The following PPME1 variants were observed in gnomAD, a reference collection of about 807,000 sequenced individuals.
PPME1 encodes the protein protein phosphatase methylesterase 1, also known as testicular secretory protein Li 39.
In PPME1, 17 loss-of-function variants were observed where a neutral mutation model predicts 56.9. The ratio of observed to expected loss-of-function variants is 0.30; its 90% CI spans 0.20 to 0.45. The LOEUF is 0.45. PPME1 is among the 20% of genes least tolerant of loss of function. PPME1 has a pLI of 1.00. For missense variants in PPME1, 357 were observed against 483.2 expected, an observed-to-expected ratio of 0.74 and a Z score of 2.45; for synonymous variants, 122 against 156.2, an observed-to-expected ratio of 0.78 and a Z score of 1.63.
rs1003622095 is a variant in PPME1, at chr11:74,239,285, A to G, written c.834+29A>G. The G allele has an allele frequency of 2.5e-6, 4 of 1,608,072 alleles. No individual in the cohort carries two copies. The African/African-American group carries it at 4.0e-5, about 16-fold the overall frequency. ...GGTAAAAACATTCATTCTTGAAAAG[A>G]TGCGGTATGGAATGGTTCAAACTGT... On this transcript the variant is annotated intron_variant, in intron 9 of 13. Coordinates refer to ENST00000328257, the MANE Select transcript of PPME1 (RefSeq NM_016147.3).
At chr11:74,220,882 T>C (rs1320378547) in intron 3 of PPME1, among the ~76,000 whole-genome samples, 1 of 152,186 alleles carries the variant, frequency 6.6e-6, no homozygotes, top group African/African-American at 2.4e-5. Flanking sequence ...CTCTGACTTT[T>C]TGATTATCTT....
chr11:74,176,349 A>G (rs974412334), intron 1 of PPME1, among the ~76,000 whole-genome samples: 17 of 152,340 alleles, frequency 1.1e-4, no homozygotes, highest in African/African-American at 4.1e-4. Context: ...CTATTCACAC[A>G]GATGGGGAAA....
chr11:74,227,599 A>G (rs1858963547), intron 5 of PPME1, among the ~76,000 whole-genome samples: 2 of 152,192 alleles, frequency 1.3e-5, no homozygotes, highest in African/African-American at 4.8e-5. Flanking sequence ...TTTCTGTGAT[A>G]CACAGTAATG....
chr11:74,232,860 A>ATTTTTT (rs35057762), intron 7 of PPME1, among the ~76,000 whole-genome samples: 31 of 93,854 alleles, frequency 3.3e-4, no homozygotes, highest in African/African-American at 7.8e-4. Flanking sequence ...TTGTTATTTG[A>ATTTTTT]TTTTTTTTTT....
At chr11:74,226,569 G>C (rs1858937171) in intron 5 of PPME1, among the ~76,000 whole-genome samples, 1 of 152,134 alleles carries the variant, frequency 6.6e-6, no homozygotes, top group South Asian at 2.1e-4. Context: ...GAAGATTTGT[G>C]AATGATTTTT....
intron 12 of PPME1, chr11:74,251,344 G>A (rs1859654804): frequency 7.4e-7 from 1 of 1,355,934 alleles, no homozygotes; most frequent in Non-Finnish European, 9.5e-7. Flanking sequence ...CTAAACCACA[G>A]GCACAGTTAG....
rs1002395973 is a variant in PPME1, at chr11:74,213,984, T to C, written c.289-8328T>C. Among the ~76,000 whole-genome samples, 3 of 152,266 alleles carry C rather than the reference T, an allele frequency of 2.0e-5. No individual in the cohort carries two copies. The East Asian group carries it at 5.8e-4, about 29-fold the overall frequency. On this transcript the variant is annotated intron_variant, in intron 3 of 13. Coordinates refer to ENST00000328257, the MANE Select transcript of PPME1 (RefSeq NM_016147.3). ...TCTAGGAAAACATGACTTCACCACATGAACTAAATAAGGCACCAGTGACCA... is the reference window on the plus strand; with the variant it reads ...TCTAGGAAAACATGACTTCACCACACGAACTAAATAAGGCACCAGTGACCA...
intron 1 of PPME1, among the ~76,000 whole-genome samples, chr11:74,187,518 T>C (rs1857717524): frequency 1.3e-5 from 2 of 152,366 alleles, no homozygotes; most frequent in South Asian, 4.1e-4. Flanking sequence ...AGAATTGTCC[T>C]CTTGATTTTA....
chr11:74,204,264 A>T (rs1276394149), intron 2 of PPME1, 89 bp from the exon 3 acceptor site: 2 of 998,516 alleles, frequency 2.0e-6, no homozygotes, highest in Non-Finnish European at 3.0e-6. Context: ...GCAGTTTTGC[A>T]TGTAAGTTTC....
chr11:74,201,296 T>G (rs144806491), intron 1 of PPME1, among the ~76,000 whole-genome samples: 15 of 152,058 alleles, frequency 9.9e-5, no homozygotes, highest in African/African-American at 3.4e-4. Flanking sequence ...TTGTTTTTTG[T>G]TTTTTTTAAA....
chr11:74,251,279 C>T lies in PPME1; in HGVS notation c.1074+261C>T, dbSNP rs1859652762. On this transcript the variant is annotated intron_variant, in intron 12 of 13. Transcript: ENST00000328257. The stretch of plus-strand genomic sequence containing the variant: ...GTTAAGATCTTAAGCTCTACTTCTC[C>T]AATACCCCCAAAAGCCAGAGATGGA... 4 of 1,365,400 alleles carry T rather than the reference C, an allele frequency of 2.9e-6. No individual in the cohort carries two copies. In the South Asian group the frequency reaches 5.8e-5, roughly 20 times the overall value. The allele number at this position is 1,365,400 out of a possible 1,614,324, so 84.6% of individuals were successfully genotyped here.
At chr11:74,219,494 G>A (rs1156834678) in intron 3 of PPME1, among the ~76,000 whole-genome samples, 1 of 152,096 alleles carries the variant, frequency 6.6e-6, no homozygotes, top group African/African-American at 2.4e-5. Flanking sequence ...GAAGCAACCA[G>A]TGTCTATCAG....
chr11:74,200,676 C>T (rs1218257253), intron 1 of PPME1, among the ~76,000 whole-genome samples: 1 of 152,002 alleles, frequency 6.6e-6, no homozygotes, highest in Non-Finnish European at 1.5e-5. Flanking sequence ...AGCCACCGTG[C>T]CTGGCCCAAT....
intron 1 of PPME1, among the ~76,000 whole-genome samples, chr11:74,179,913 C>T (rs1267709987): frequency 6.6e-6 from 1 of 152,224 alleles, no homozygotes; most frequent in East Asian, 1.9e-4. Flanking sequence ...TTAGCCTCCA[C>T]TACCAGACTC....
chr11:74,222,331 T>C lies in PPME1; in HGVS notation c.308T>C (p.Val103Ala). 1 of 1,611,790 alleles carries C rather than the reference T, an allele frequency of 6.2e-7. No individual in the cohort carries two copies. The highest frequency in any genetic ancestry group is 8.5e-7 in the Non-Finnish European group (1 of 1,178,028). The part of the protein sequence containing the change: ...AVFTAAIISR[V>A]QCRIVALDLR... ...TCCTAGGCAGCGATTATTAGTAGAG[T>C]TCAGTGTAGGATTGTAGCTTTGGAT... Residue 103 changes from valine (V) to alanine (A), a missense_variant, in exon 4 of 14, where the codon GTT becomes GCT. Physicochemically the swap from Val to Ala is moderately conservative, Grantham distance 64. This residue lies in a region of PPME1 where 175 missense variants were observed against 189.4 expected (regional missense o/e 0.92). Transcript: ENST00000328257.
chr11:74,236,315 G>C (rs1859189795), intron 8 of PPME1, among the ~76,000 whole-genome samples: 1 of 152,074 alleles, frequency 6.6e-6, no homozygotes, highest in African/African-American at 2.4e-5. Flanking sequence ...CTCCTTCTAA[G>C]CCAAACCTGG....
At chr11:74,245,988 C>T in intron 9 of PPME1, 88 bp from the exon 10 acceptor site, 1 of 1,451,644 alleles carries the variant, frequency 6.9e-7, no homozygotes, top group Non-Finnish European at 9.2e-7. Context: ...TAGTTTCCTT[C>T]CCTTTCCTTT....
At chr11:74,204,257 G>A in intron 2 of PPME1, 96 bp from the exon 3 acceptor site, 1 of 936,650 alleles carries the variant, frequency 1.1e-6, no homozygotes, top group East Asian at 2.7e-5. Flanking sequence ...GCAGTCTGCA[G>A]TTTTGCATGT....
chr11:74,204,286 CTA>C, intron 2 of PPME1, 65 bp from the exon 3 acceptor site: 2 of 1,272,242 alleles, frequency 1.6e-6, no homozygotes, highest in Non-Finnish European at 1.1e-6. Context: ...AGCGGTATTA[CTA>C]TGATTAAATA....
Sources: gnomAD v4.1 joint callset for allele counts (sites outside exome capture counted in the v4.1 genomes callset) on GRCh38, gnomAD v4.1.1 for gene constraint, gnomAD v4.1.1 regional missense constraint, MANE v1.5 for transcripts, NCBI Gene and HGNC (gene_info 2026-07-23, HGNC 2026-07-21) for gene names.